MEGF8: variants seen among roughly 807,000 people sequenced by gnomAD.
MEGF8 encodes multiple EGF like domains 8, also known as multiple epidermal growth factor-like domains protein 8.
MEGF8 carries 156 observed loss-of-function variants against 302.9 expected under a neutral mutation model. The ratio of observed to expected loss-of-function variants is 0.52; its 90% CI spans 0.45 to 0.59. The LOEUF is 0.59. Among genes scored for constraint, MEGF8 ranks in the 20% least tolerant of loss-of-function variants. The pLI is 0.00. For synonymous variants in MEGF8, 1,621 were observed against 1,660.5 expected (o/e 0.98, Z 0.58); for missense variants, 3,345 against 3,964.5 (o/e 0.84, Z 4.20).
In MEGF8 at chr19:42,373,626, G is replaced by A. The variant is rs1005608071; in HGVS notation, c.7270-1881G>A. On this transcript the variant is annotated intron_variant, in intron 41 of 41. Transcript: ENST00000251268. ...GCCCAGGCTAGTCTTGAACTCCTGAGCTCAAGCAATCCACTCACCTTGGCT... is the reference window on the plus strand; with the variant it reads ...GCCCAGGCTAGTCTTGAACTCCTGAACTCAAGCAATCCACTCACCTTGGCT... 2.1e-4 allele frequency among the ~76,000 whole-genome samples: 32 copies of A among 150,134 alleles called. 1 individual carries two copies. The highest frequency in any genetic ancestry group is 6.6e-5 in the Admixed American group (1 of 15,066).
chr19:42,351,855 G>A lies in MEGF8; in HGVS notation c.3101+94G>A. ...GGCCTCTTTGCTTCTCTGCCCTCTTGCCCATCCCATGGCCACCTTCCCTTT... is the reference window on the plus strand; with the variant it reads ...GGCCTCTTTGCTTCTCTGCCCTCTTACCCATCCCATGGCCACCTTCCCTTT... On this transcript the variant is annotated intron_variant, in intron 18 of 41. Coordinates refer to ENST00000251268, the MANE Select transcript of MEGF8 (RefSeq NM_001271938.2). This position sits in a 1 kb window ranked among gnomAD's most constrained non-coding sequence, Gnocchi z 5.6. 3.7e-6 allele frequency: 4 copies of A among 1,077,502 alleles called. No homozygotes were observed. Among genetic ancestry groups the A allele is most frequent in the Non-Finnish European group, 5.5e-6 (4 of 729,268 alleles). The allele number at this position is 1,077,502 out of a possible 1,614,324, so 66.7% of individuals were successfully genotyped here.
intron 23 of MEGF8, among the ~76,000 whole-genome samples, chr19:42,355,375 G>A (rs13343322): frequency 0.015 from 2,327 of 152,190 alleles, 60 homozygotes; most frequent in African/African-American, 0.052. Flanking sequence ...TCATGTAAGG[G>A]CAGTAGGAGT....
rs2039661825 is a variant in MEGF8, at chr19:42,369,904, A to G, written c.6834+181A>G. Among the ~76,000 whole-genome samples, 1 of 152,226 alleles carries G rather than the reference A, an allele frequency of 6.6e-6. No individual in the cohort carries two copies. Among genetic ancestry groups the G allele is most frequent in the African/African-American group, 2.4e-5 (1 of 41,460 alleles). ...GGGACGCTGCCTGGGTTTGGATCCCAGAGGGTCTGCCCTGGAATAGTGGAC... is the reference window on the plus strand; with the variant it reads ...GGGACGCTGCCTGGGTTTGGATCCCGGAGGGTCTGCCCTGGAATAGTGGAC... On this transcript the variant is annotated intron_variant, in intron 38 of 41. Transcript: ENST00000251268. The surrounding 1 kb of genome is among the most constrained non-coding windows in gnomAD (Gnocchi z 5.7).
rs868010514 is a variant in MEGF8 at position 42,352,396 on chromosome 19, G to A, written c.3290G>A (p.Ser1097Asn). 1 of 1,597,074 alleles carries A rather than the reference G, an allele frequency of 6.3e-7. No homozygotes were observed. Among genetic ancestry groups the A allele is most frequent in the Middle Eastern group, 1.7e-4 (1 of 6,040 alleles). ...PRATCLNTPLSYECHCQRGYQ... is the reference protein window; with the variant it reads ...PRATCLNTPLNYECHCQRGYQ... ...GCGACCTGCCTGAACACGCCCCTCA[G>A]CTACGAGTGTCACTGCCAGCGGGGC... The change falls in exon 19 of 42, where the codon AGC (serine) becomes AAC (asparagine). Residue 1097 changes from serine to asparagine, a missense_variant. Transcript: ENST00000251268. This position sits in a 1 kb window ranked among gnomAD's most constrained non-coding sequence, Gnocchi z 4.4.
chr19:42,352,580 G>A lies in MEGF8; in HGVS notation c.3350+124G>A. 1 of 1,295,650 alleles carries A rather than the reference G, an allele frequency of 7.7e-7. No homozygotes were observed. Among genetic ancestry groups the A allele is most frequent in the Non-Finnish European group, 1.0e-6 (1 of 959,236 alleles). The allele number at this position is 1,295,650 out of a possible 1,614,324, so 80.3% of individuals were successfully genotyped here. ...AACCAGCATCCCCAGTTAGCCAGGG[G>A]TTTTTACCTTGCACACTAGGTCCTT... is the stretch of plus-strand genomic sequence containing the variant. On this transcript the variant is annotated intron_variant, in intron 19 of 41. Coordinates refer to ENST00000251268, the MANE Select transcript of MEGF8 (RefSeq NM_001271938.2). The surrounding 1 kb of genome is among the most constrained non-coding windows in gnomAD (Gnocchi z 4.4).
Position 42,376,786 on chromosome 19 carries a change from G to A in MEGF8, c.*11G>A. ...AGCATGTCCCTCTGACATGCCCAGGGTTCTCATCCACAGCAGCTGGGTCAC... is the reference window on the plus strand; with the variant it reads ...AGCATGTCCCTCTGACATGCCCAGGATTCTCATCCACAGCAGCTGGGTCAC... On this transcript the variant is annotated 3_prime_UTR_variant, in exon 42 of 42. Transcript: ENST00000251268. The surrounding 1 kb of genome is among the most constrained non-coding windows in gnomAD (Gnocchi z 8.2). The A allele has an allele frequency of 7.0e-7, 1 of 1,431,924 alleles. No homozygotes were observed. The highest frequency in any genetic ancestry group is 9.1e-7 in the Non-Finnish European group (1 of 1,096,244). 88.7% of individuals were successfully genotyped at this position (1,431,924 alleles called of 1,614,324 possible). A position where few individuals can be genotyped will look rare whatever the true frequency, so the allele number is the denominator to read the frequency against.
chr19:42,342,236 C>T (rs372818393), intron 8 of MEGF8, among the ~76,000 whole-genome samples: 4 of 152,192 alleles, frequency 2.6e-5, no homozygotes, highest in African/African-American at 4.8e-5. Context: ...TTACAGTGCA[C>T]GCAGGTCAGT....
rs550064914 is a variant in MEGF8 at position 42,369,087 on chromosome 19, G to C, written c.6641+85G>C. 25 of 1,520,828 alleles carry C rather than the reference G, an allele frequency of 1.6e-5. No individual in the cohort carries two copies. The East Asian group carries it at 5.4e-4, about 33-fold the overall frequency. The allele number at this position is 1,520,828 out of a possible 1,614,324, so 94.2% of individuals were successfully genotyped here. On this transcript the variant is annotated intron_variant, in intron 37 of 41. Coordinates refer to ENST00000251268, the MANE Select transcript of MEGF8 (RefSeq NM_001271938.2). The surrounding 1 kb of genome is among the most constrained non-coding windows in gnomAD (Gnocchi z 5.7). ...AGTAATGGATGAGGCCTAGAGCCAA[G>C]CAGGACAGAAGAAAAGAAAGCTCGA...
At position 42,349,342 on chromosome 19, in the gene MEGF8, TG is replaced by T. The variant is rs2039335437; in HGVS notation, c.2299-152del. Reference sequence around the variant, plus strand: ...AAAAGCCCCTGAGGAGGAGGGTCCCTGGGGGTCTCACCTCTGAGGTTCTCAG... The same window carrying T: ...AAAAGCCCCTGAGGAGGAGGGTCCCTGGGGTCTCACCTCTGAGGTTCTCAG... On this transcript the variant is annotated intron_variant, in intron 13 of 41. Transcript: ENST00000251268. Among the ~76,000 whole-genome samples the T allele has an allele frequency of 2.1e-5, 3 of 142,516 alleles. No homozygotes were observed. The South Asian group carries it at 6.9e-4, about 33-fold the overall frequency. 93.5% of individuals were successfully genotyped at this position (142,516 alleles called of 152,430 possible). A position where few individuals can be genotyped will look rare whatever the true frequency, so the allele number is the denominator to read the frequency against.
At chr19:42,374,392 AC>A (rs1485866229) in intron 41 of MEGF8, among the ~76,000 whole-genome samples, 1 of 147,926 alleles carries the variant, frequency 6.8e-6, no homozygotes, top group Non-Finnish European at 1.5e-5. Flanking sequence ...AATCGCTTGA[AC>A]CCGGGAGGCA....
intron 1 of MEGF8, among the ~76,000 whole-genome samples, chr19:42,328,567 AGTGTGT>A (rs113567438): frequency 6.8e-6 from 1 of 146,612 alleles, no homozygotes; most frequent in African/African-American, 2.6e-5. Context: ...CAGAATAGGA[AGTGTGT>A]GTGTGTGTGT....
In MEGF8 at chr19:42,326,296, T is replaced by C. The variant is rs1291135217; in HGVS notation, c.53T>C (p.Leu18Pro). The C allele has an allele frequency of 4.5e-6, 7 of 1,560,810 alleles. No homozygotes were observed. The highest frequency in any genetic ancestry group is 2.1e-5 in the Admixed American group (1 of 46,720). The change falls in exon 1 of 42, where the codon CTG becomes CCG. Residue 18 changes from leucine to proline, a missense_variant. Leu to Pro is a moderately conservative substitution (Grantham distance 98, BLOSUM62 -3). Transcript: ENST00000251268. ...GCACTGGTTTTGGCCTTGGCCGTGC[T>C]GGGGTCGCTGTCCCCTGGGGCCCGG... ...AMALVLALAV[L>P]GSLSPGARAG...
In MEGF8 at chr19:42,335,305, C is replaced by G. The variant is rs773064133; in HGVS notation, c.748C>G (p.Leu250Val). 3.1e-6 allele frequency: 5 copies of G among 1,613,928 alleles called. No individual in the cohort carries two copies. The highest frequency in any genetic ancestry group is 3.4e-6 in the Non-Finnish European group (4 of 1,179,910). Residue 250 changes from leucine (L) to valine (V), a missense_variant, in exon 5 of 42, where the codon CTC becomes GTC. Coordinates refer to ENST00000251268, the MANE Select transcript of MEGF8 (RefSeq NM_001271938.2). ...TATCCACCCCTCCACAGGCCAGGACCTCAACAATGCCCTGGGTGACCTCGT... is the reference window on the plus strand; with the variant it reads ...TATCCACCCCTCCACAGGCCAGGACGTCAACAATGCCCTGGGTGACCTCGT... Reference protein sequence around the residue: ...GLLAVFGGQDLNNALGDLVLY... With the variant: ...GLLAVFGGQDVNNALGDLVLY...
At chr19:42,355,066 C>T (rs1387852897) in intron 23 of MEGF8, among the ~76,000 whole-genome samples, 1 of 152,156 alleles carries the variant, frequency 6.6e-6, no homozygotes, top group African/African-American at 2.4e-5. Flanking sequence ...CAGCGATTCT[C>T]CTGCCTCAGC....
Position 42,368,966 on chromosome 19 carries a change from A to G in MEGF8, c.6605A>G (p.Tyr2202Cys), listed in dbSNP as rs2039646438. 2 of 1,613,742 alleles carry G rather than the reference A, an allele frequency of 1.2e-6. No individual in the cohort carries two copies. Among genetic ancestry groups the G allele is most frequent in the African/African-American group, 1.3e-5 (1 of 74,938 alleles). Residue 2202 changes from tyrosine to cysteine, a missense_variant, in exon 37 of 42, where the codon TAT (tyrosine) becomes TGT (cysteine). By Grantham distance (194) the Tyr-to-Cys change is radical. Coordinates refer to ENST00000251268, the MANE Select transcript of MEGF8 (RefSeq NM_001271938.2). This position sits in a 1 kb window ranked among gnomAD's most constrained non-coding sequence, Gnocchi z 4.9. ...AATTGCCACGACCAGCCCCACGGCT[A>G]TGAGTGCAGCTGCAAGACCGGCTAT... ...TQNCHDQPHG[Y>C]ECSCKTGYTM...
At chr19:42,348,507 T>C (rs1475329359) in intron 13 of MEGF8, 35 bp downstream of exon 13, 10 of 1,482,150 alleles carry the variant, frequency 6.7e-6, no homozygotes, top group South Asian at 1.3e-5. Context: ...GGGTTGTTTA[T>C]GGTAAATAGG....
rs147886477 is a variant in MEGF8 at position 42,350,283 on chromosome 19, G to T, written c.2635G>T (p.Ala879Ser). The T allele has an allele frequency of 9.3e-5, 149 of 1,610,478 alleles. No homozygotes were observed. Among genetic ancestry groups the T allele is most frequent in the Non-Finnish European group, 1.2e-4 (140 of 1,179,800 alleles). ...CACCTGCCACCTGCGCCAGGGCGGA[G>T]CCCATTGCGGGGATGACGGGGCTGG... is the stretch of plus-strand genomic sequence containing the variant. Reference protein sequence around the residue: ...SATCHLRQGGAHCGDDGAGGS... With the variant: ...SATCHLRQGGSHCGDDGAGGS... Residue 879 changes from alanine (A) to serine (S), a missense_variant, in exon 15 of 42, where the codon GCC (alanine) becomes TCC (serine). Ala to Ser is a moderately conservative substitution (Grantham distance 99). Coordinates refer to ENST00000251268, the MANE Select transcript of MEGF8 (RefSeq NM_001271938.2).
chr19:42,349,470 C>A (rs1211273763), intron 13 of MEGF8, 29 bp from the exon 14 acceptor site: 1 of 1,595,020 alleles, frequency 6.3e-7, no homozygotes, highest in South Asian at 1.1e-5. Flanking sequence ...GGTTCTGAGG[C>A]CCCTGCCTAT....
intron 1 of MEGF8, among the ~76,000 whole-genome samples, chr19:42,327,388 C>T (rs2038998622): frequency 6.6e-6 from 1 of 152,154 alleles, no homozygotes; most frequent in African/African-American, 2.4e-5. Flanking sequence ...TGGAGGAACC[C>T]CAGAGGCCTG....
Sources: gnomAD v4.1 joint callset for allele counts (sites outside exome capture counted in the v4.1 genomes callset) on GRCh38, gnomAD v4.1.1 for gene constraint, Gnocchi (gnomAD v3.1) non-coding constraint, MANE v1.5 for transcripts, NCBI Gene and HGNC (gene_info 2026-07-23, HGNC 2026-07-21) for gene names.